ANKLE2: variants seen among roughly 807,000 people sequenced by gnomAD.
The protein encoded by ANKLE2 is ankyrin repeat and LEM domain-containing protein 2.
ANKLE2 carries 55 observed loss-of-function variants against 84.2 expected under a neutral mutation model. The observed-to-expected ratio is 0.65, with a 90% CI of 0.53 to 0.82. ANKLE2 has a LOEUF of 0.82. Among genes scored for constraint, ANKLE2 ranks in the 40% least tolerant of loss-of-function variants. The probability of loss-of-function intolerance (pLI) is 0.00; values close to 1 mark genes in which losing one functional copy is unlikely to be tolerated. For missense variants in ANKLE2, 1,238 were observed against 1,201.9 expected, an observed-to-expected ratio of 1.03 and a Z score of -0.44; for synonymous variants, 551 against 486.1, an observed-to-expected ratio of 1.13 and a Z score of -1.76.
Position 132,729,960 on chromosome 12 carries a change from A to G in ANKLE2, c.2202T>C (p.Val734=). 1.2e-6 allele frequency: 2 copies of G among 1,613,484 alleles called. No individual in the cohort carries two copies. Among genetic ancestry groups the G allele is most frequent in the Non-Finnish European group, 1.7e-6 (2 of 1,179,928 alleles). ...AHLPPVSDLT[V]EFDKLNLQNI... ...TTTGCAAATTCAGTTTATCAAACTC[A>G]ACAGTCAAATCCGAGACAGGTGGCA... is the stretch of plus-strand genomic sequence containing the variant. Residue 734 remains valine, a synonymous_variant, in exon 11 of 13, where the codon GTT becomes GTC. Coordinates refer to ENST00000357997, the MANE Select transcript of ANKLE2 (RefSeq NM_015114.3).
At chr12:132,761,444 G>T in intron 1 of ANKLE2, 174 bp downstream of exon 1, 1 of 512,824 alleles carries the variant, frequency 1.9e-6, no homozygotes, top group Non-Finnish European at 2.9e-6. Flanking sequence ...CCAAGTCCCC[G>T]CAACTGCCCT....
rs570930533 is a variant in ANKLE2 at position 132,735,567 on chromosome 12, C to T, written c.1594-55G>A. ...TGTCAGGCACTGCGCCCCTCAGCTG[C>T]GGAAACCTGAAGAGCCGTCGTCATC... On this transcript the variant is annotated intron_variant, in intron 8 of 12. Transcript: ENST00000357997. 115 of 1,458,084 alleles carry T rather than the reference C, an allele frequency of 7.9e-5. 1 individual carries two copies. In the South Asian group the frequency reaches 1.0e-3, roughly 13 times the overall value. The allele number at this position is 1,458,084 out of a possible 1,614,324, so 90.3% of individuals were successfully genotyped here. A position where few individuals can be genotyped will look rare whatever the true frequency, so the allele number is the denominator to read the frequency against.
intron 10 of ANKLE2, among the ~76,000 whole-genome samples, chr12:132,733,644 G>A (rs1027931777): frequency 5.3e-5 from 8 of 150,818 alleles, no homozygotes; most frequent in Non-Finnish European, 1.0e-4. Flanking sequence ...GCGTCCTGGT[G>A]TCTGAAATAC....
At position 132,748,029 on chromosome 12, in the gene ANKLE2, G is replaced by A; in HGVS notation, c.1042-9C>T. ...TTGTACCTGCACCCTTCCTGAAAGA[G>A]AACCGCATGCTCTGAGCTTCCTATC... On this transcript the variant is annotated splice_polypyrimidine_tract_variant and intron_variant, in intron 4 of 12. Transcript: ENST00000357997. 1 of 1,596,360 alleles carries A rather than the reference G, an allele frequency of 6.3e-7. No individual in the cohort carries two copies. Among genetic ancestry groups the A allele is most frequent in the African/African-American group, 1.4e-5 (1 of 73,890 alleles).
rs1464676916 is a variant in ANKLE2 at position 132,729,806 on chromosome 12, C to A, written c.2356G>T (p.Gly786Cys). 6.2e-7 allele frequency: 1 copy of A among 1,613,322 alleles called. No homozygotes were observed. Among genetic ancestry groups the A allele is most frequent in the African/African-American group, 1.3e-5 (1 of 74,816 alleles). Residue 786 changes from glycine (G) to cysteine (C), a missense_variant, in exon 11 of 13, where the codon GGC becomes TGC. By Grantham distance (159) the Gly-to-Cys change is radical. Around this residue, in one of 3 missense-constraint regions of ANKLE2, gnomAD observed 802 missense variants for 774.5 expected, o/e 1.04. Coordinates refer to ENST00000357997, the MANE Select transcript of ANKLE2 (RefSeq NM_015114.3). ...ATTTCACTTTCTGTCCTCCTGTGGC[C>A]ATTCCCGAGTTGGTCTGCGGGAGAA... Reference protein sequence around the residue: ...EPSPADQLGNGHRRTESEMSA... With the variant: ...EPSPADQLGNCHRRTESEMSA...
intron 2 of ANKLE2, among the ~76,000 whole-genome samples, chr12:132,753,189 G>C (rs1233780929): frequency 6.6e-6 from 1 of 151,836 alleles, no homozygotes; most frequent in Non-Finnish European, 1.5e-5. Context: ...ACGTGCCCGT[G>C]ATCCCAGCGA....
chr12:132,739,388 C>T (rs2044077374), intron 7 of ANKLE2, among the ~76,000 whole-genome samples: 1 of 152,126 alleles, frequency 6.6e-6, no homozygotes, highest in African/African-American at 2.4e-5. Flanking sequence ...ATATTACTAT[C>T]TTATATTTGG....
chr12:132,732,622 G>A (rs1438369340), intron 10 of ANKLE2, among the ~76,000 whole-genome samples: 1 of 121,618 alleles, frequency 8.2e-6, no homozygotes, highest in African/African-American at 3.2e-5. Context: ...GCGTCCTGGT[G>A]TCTGATACGC....
intron 10 of ANKLE2, chr12:132,730,631 G>C (rs766110997): frequency 1.2e-4 from 33 of 267,648 alleles, no homozygotes; most frequent in Non-Finnish European, 1.4e-4. Flanking sequence ...AAGACTGCCT[G>C]GGCAACATAG....
chr12:132,734,998 G>A (rs1024717145), intron 9 of ANKLE2: 8 of 284,852 alleles, frequency 2.8e-5, no homozygotes, highest in African/African-American at 1.4e-4. Flanking sequence ...CTGACACTGG[G>A]CACATATTTT....
chr12:132,752,106 T>C (rs1300661553), intron 2 of ANKLE2, among the ~76,000 whole-genome samples: 4 of 152,046 alleles, frequency 2.6e-5, no homozygotes, highest in Non-Finnish European at 5.9e-5. Context: ...TTTGGGAGGC[T>C]GAGGCAGGTG....
intron 10 of ANKLE2, among the ~76,000 whole-genome samples, chr12:132,733,582 G>A (rs11147034): frequency 0.28 from 39,846 of 142,526 alleles, 6,256 homozygotes; most frequent in Non-Finnish European, 0.38. Context: ...GAAATGCACC[G>A]TGTGAAGCAC....
intron 2 of ANKLE2, among the ~76,000 whole-genome samples, chr12:132,751,540 C>T (rs780888677): frequency 4.6e-5 from 7 of 150,776 alleles, no homozygotes; most frequent in African/African-American, 9.7e-5. Flanking sequence ...GGCGCCCAGC[C>T]GGGAATGGCT....
Position 132,725,687 on chromosome 12 carries a change from C to T in ANKLE2, c.*1555G>A, listed in dbSNP as rs2043687148. The T allele has an allele frequency of 6.6e-6, 1 of 152,210 alleles. No individual in the cohort carries two copies. 9.4% of individuals were successfully genotyped at this position (152,210 alleles called of 1,614,324 possible). A position where few individuals can be genotyped will look rare whatever the true frequency, so the allele number is the denominator to read the frequency against. ...ACAAAATCAGGGCCAAAACGTTTTA[C>T]TTTCCATTTGAATTTACAACCATAT... On this transcript the variant is annotated 3_prime_UTR_variant, in exon 13 of 13. Coordinates refer to ENST00000357997, the MANE Select transcript of ANKLE2 (RefSeq NM_015114.3).
In ANKLE2 at chr12:132,729,804, G is replaced by A; in HGVS notation, c.2358C>T (p.Gly786=). 2 of 1,613,182 alleles carry A rather than the reference G, an allele frequency of 1.2e-6. No homozygotes were observed. The highest frequency in any genetic ancestry group is 1.7e-6 in the Non-Finnish European group (2 of 1,179,772). The change falls in exon 11 of 13, where the codon GGC becomes GGT. Residue 786 remains glycine, a synonymous_variant. Coordinates refer to ENST00000357997, the MANE Select transcript of ANKLE2 (RefSeq NM_015114.3). The stretch of plus-strand genomic sequence containing the variant: ...ACATTTCACTTTCTGTCCTCCTGTG[G>A]CCATTCCCGAGTTGGTCTGCGGGAG... The part of the protein sequence containing the change: ...EPSPADQLGN[G]HRRTESEMSA...
In ANKLE2 at chr12:132,730,168, G is replaced by A; in HGVS notation, c.1994C>T (p.Thr665Ile). 1 of 1,609,642 alleles carries A rather than the reference G, an allele frequency of 6.2e-7. No homozygotes were observed. The highest frequency in any genetic ancestry group is 2.2e-5 in the East Asian group (1 of 44,790). Residue 665 changes from threonine to isoleucine, a missense_variant, in exon 11 of 13, where the codon ACA (threonine) becomes ATA (isoleucine). By Grantham distance (89) the Thr-to-Ile change is moderately conservative. This residue lies in a region of ANKLE2 where 802 missense variants were observed against 774.5 expected (regional missense o/e 1.04). Coordinates refer to ENST00000357997, the MANE Select transcript of ANKLE2 (RefSeq NM_015114.3). ...CCTCGTATGTCCAAAAGCACCGACTGTGGGCGGGCTGTTATTTCGAGCTGC... is the reference window on the plus strand; with the variant it reads ...CCTCGTATGTCCAAAAGCACCGACTATGGGCGGGCTGTTATTTCGAGCTGC... ...QNAARNNSPP[T>I]VGAFGHTRCS... is the part of the protein sequence containing the mutation.
intron 3 of ANKLE2, among the ~76,000 whole-genome samples, chr12:132,749,993 C>T (rs964051357): frequency 5.3e-5 from 8 of 151,978 alleles, no homozygotes; most frequent in African/African-American, 1.9e-4. Context: ...ATGGCAAGAC[C>T]CTGTCTCCAT....
chr12:132,760,448 A>T (rs1281163943), intron 1 of ANKLE2: 1 of 152,178 alleles, frequency 6.6e-6, no homozygotes, highest in Admixed American at 6.6e-5. Context: ...CCCACAGGTT[A>T]ACGGCTCAGC....
In ANKLE2 at chr12:132,727,365, C is replaced by T; in HGVS notation, c.2694G>A (p.Gly898=). 1 of 1,561,420 alleles carries T rather than the reference C, an allele frequency of 6.4e-7. No homozygotes were observed. The highest frequency in any genetic ancestry group is 8.7e-7 in the Non-Finnish European group (1 of 1,152,862). ...GGTTGCTTCCAGCCACGCTGTTTCT[C>T]CCCGGACTGTAGCTGTGAGGGCCAC... ...DLSGPHSYSP[G]RNSVAGSNPA... is the part of the protein sequence containing the mutation. The change falls in exon 13 of 13, where the codon GGG becomes GGA. Residue 898 remains glycine, a synonymous_variant. Transcript: ENST00000357997.
Sources: allele counts gnomAD v4.1 joint callset (sites outside exome capture counted in the v4.1 genomes callset), GRCh38; gene constraint gnomAD v4.1.1; regional missense constraint gnomAD v4.1.1; transcripts MANE v1.5; gene names NCBI Gene and HGNC (gene_info 2026-07-23, HGNC 2026-07-21).